Variants in RIMS2 observed in about 807,000 individuals in gnomAD.
RIMS2 encodes the protein regulating synaptic membrane exocytosis 2.
RIMS2 carries 59 observed loss-of-function variants against 174.4 expected under a neutral mutation model. That is an observed-to-expected ratio of 0.34 (90% CI 0.27 to 0.42). The LOEUF (loss-of-function observed/expected upper bound fraction) is 0.42. Among genes scored for constraint, RIMS2 ranks in the 10% least tolerant of loss-of-function variants. RIMS2 has a pLI of 1.00. For missense variants in RIMS2, 1,620 were observed against 1,666.3 expected, an observed-to-expected ratio of 0.97 and a Z score of 0.48; for synonymous variants, 606 against 572.5, an observed-to-expected ratio of 1.06 and a Z score of -0.84.
intron 2 of RIMS2, among the ~76,000 whole-genome samples, chr8:103,748,612 C>A (rs2097849355): frequency 6.6e-6 from 1 of 152,118 alleles, no homozygotes; most frequent in African/African-American, 2.4e-5. Context: ...AATTTCATTA[C>A]TATTTCACCA....
intron 19 of RIMS2, 137 bp downstream of exon 24, chr8:104,093,780 C>G: frequency 1.8e-6 from 1 of 554,656 alleles, no homozygotes; most frequent in Non-Finnish European, 3.0e-6. Flanking sequence ...TCAGTACATA[C>G]TACTTTTTAA....
intron 1 of RIMS2, among the ~76,000 whole-genome samples, chr8:103,546,093 G>T (rs1314533502): frequency 6.6e-6 from 1 of 152,064 alleles, no homozygotes; most frequent in Non-Finnish European, 1.5e-5. Flanking sequence ...GGGGCAAGCT[G>T]GATAAAGAAA....
chr8:103,728,295 A>C (rs2097547859), intron 2 of RIMS2, among the ~76,000 whole-genome samples: 2 of 152,126 alleles, frequency 1.3e-5, no homozygotes, highest in African/African-American at 4.8e-5. Flanking sequence ...TATATCCTGG[A>C]ACTTTACTGA....
intron 12 of RIMS2, among the ~76,000 whole-genome samples, chr8:103,934,201 A>G (rs1477590855): frequency 2.0e-5 from 3 of 152,168 alleles, no homozygotes; most frequent in Non-Finnish European, 2.9e-5. Context: ...AATTTTTAAA[A>G]AAGGATTAGG....
chr8:103,501,991 G>A (rs868085581), intron 1 of RIMS2, among the ~76,000 whole-genome samples: 6 of 152,170 alleles, frequency 3.9e-5, no homozygotes, highest in African/African-American at 7.2e-5. Context: ...GTTTCTACAA[G>A]GTTTGCTTTT....
chr8:104,099,490 T>C (rs1332760639), intron 19 of RIMS2, among the ~76,000 whole-genome samples: 1 of 152,232 alleles, frequency 6.6e-6, no homozygotes, highest in African/African-American at 2.4e-5. Flanking sequence ...GGGAACTTTT[T>C]GAAAGTACTT....
chr8:103,711,811 C>T (rs569179220), intron 2 of RIMS2, among the ~76,000 whole-genome samples: 85 of 151,902 alleles, frequency 5.6e-4, no homozygotes, highest in Non-Finnish European at 1.0e-3. Flanking sequence ...GTGGGAGGAT[C>T]GCTTGAGCCT....
chr8:103,807,968 GC>G (rs1379550725), intron 3 of RIMS2, among the ~76,000 whole-genome samples: 1 of 151,948 alleles, frequency 6.6e-6, no homozygotes, highest in Non-Finnish European at 1.5e-5. Flanking sequence ...TTCTGTTTTG[GC>G]TGAAAAAAGA....
At chr8:104,068,564 A>G in intron 19 of RIMS2, 1 of 1,574,770 alleles carries the variant, frequency 6.4e-7, no homozygotes, top group Non-Finnish European at 8.6e-7. Context: ...ACAAATACAA[A>G]CAGGTAGCCG....
intron 3 of RIMS2, among the ~76,000 whole-genome samples, chr8:103,801,531 T>C (rs2098607990): frequency 6.6e-6 from 1 of 152,232 alleles, no homozygotes. Flanking sequence ...TCATGTTCCA[T>C]ACTAATCTGT....
At chr8:103,734,783 A>G (rs1003670504) in intron 2 of RIMS2, among the ~76,000 whole-genome samples, 1 of 151,768 alleles carries the variant, frequency 6.6e-6, no homozygotes, top group Non-Finnish European at 1.5e-5. Context: ...TCTTGTGCCT[A>G]TTTCTTTTTT....
At chr8:103,606,330 C>T (rs2095078841) in intron 1 of RIMS2, among the ~76,000 whole-genome samples, 1 of 150,772 alleles carries the variant, frequency 6.6e-6, no homozygotes, top group African/African-American at 2.4e-5. Flanking sequence ...ATTCTTAATC[C>T]TGAGTTCTAG....
At chr8:104,160,509 A>T (rs2098754550) in intron 19 of RIMS2, among the ~76,000 whole-genome samples, 1 of 152,188 alleles carries the variant, frequency 6.6e-6, no homozygotes, top group Non-Finnish European at 1.5e-5. Flanking sequence ...ATTATTGTTT[A>T]TGGAAATAAG....
chr8:103,605,716 G>C (rs2095036703), intron 1 of RIMS2, among the ~76,000 whole-genome samples: 1 of 152,022 alleles, frequency 6.6e-6, no homozygotes. Context: ...ACTTCTTCCT[G>C]GTTTAGTCTT....
At chr8:104,227,245 G>A (rs563056314) in intron 19 of RIMS2, among the ~76,000 whole-genome samples, 70 of 137,180 alleles carry the variant, frequency 5.1e-4, no homozygotes, top group Middle Eastern at 3.8e-3. Context: ...TTCCCTGGGT[G>A]TATTCCAGGT....
intron 15 of RIMS2, among the ~76,000 whole-genome samples, chr8:103,970,716 C>T (rs1303542668): frequency 6.6e-6 from 1 of 152,172 alleles, no homozygotes; most frequent in Non-Finnish European, 1.5e-5. Context: ...TTGCCTGTCT[C>T]TTCAATCTTG....
At chr8:104,176,144 A>C (rs1586614450) in intron 19 of RIMS2, among the ~76,000 whole-genome samples, 1 of 152,132 alleles carries the variant, frequency 6.6e-6, no homozygotes, top group Admixed American at 6.5e-5. Flanking sequence ...TAACTTGCTT[A>C]TACCTGTGCT....
chr8:103,833,987 ATGTT>A (rs962038485), intron 3 of RIMS2, among the ~76,000 whole-genome samples: 3 of 151,818 alleles, frequency 2.0e-5, no homozygotes, highest in African/African-American at 7.3e-5. Flanking sequence ...AAGAATGCTG[ATGTT>A]TGTTTGTTCA....
chr8:104,220,898 G>A (rs12114891), intron 19 of RIMS2, among the ~76,000 whole-genome samples: 3,882 of 152,190 alleles, frequency 0.026, 144 homozygotes, highest in African/African-American at 0.08. Flanking sequence ...TGAGCCACCT[G>A]AGCTCAGCTT....
Sources: allele counts gnomAD v4.1 joint callset (sites outside exome capture counted in the v4.1 genomes callset), GRCh38; gene constraint gnomAD v4.1.1; transcripts MANE v1.5; gene names NCBI Gene and HGNC (gene_info 2026-07-23, HGNC 2026-07-21).